MYO5B: variants seen among roughly 807,000 people sequenced by gnomAD.
MYO5B encodes the protein myosin VB.
A neutral mutation model predicts 229.3 loss-of-function variants in MYO5B; 143 were observed. The observed-to-expected ratio is 0.62, with a 90% CI of 0.54 to 0.72. The LOEUF is 0.72. Ranked by LOEUF, MYO5B falls within the 30% of genes least tolerant of loss-of-function variation. MYO5B has a pLI of 0.00. For synonymous variants in MYO5B, 918 were observed against 885.2 expected, an observed-to-expected ratio of 1.04 and a Z score of -0.66; for missense variants, 2,321 against 2,331.0, an observed-to-expected ratio of 1.00 and a Z score of 0.09.
intron 10 of MYO5B, among the ~76,000 whole-genome samples, chr18:49,972,741 G>A (rs1341278126): frequency 6.6e-6 from 1 of 152,144 alleles, no homozygotes; most frequent in Non-Finnish European, 1.5e-5. Context: ...TTCCCAGAGA[G>A]CACACTGTTC....
chr18:50,033,718 C>G (rs988937617), intron 4 of MYO5B, among the ~76,000 whole-genome samples: 2 of 152,146 alleles, frequency 1.3e-5, no homozygotes, highest in African/African-American at 4.8e-5. Flanking sequence ...GATTCTCATG[C>G]AGTGGACAGA....
chr18:50,003,849 C>T (rs139666780), intron 4 of MYO5B, among the ~76,000 whole-genome samples: 161 of 152,266 alleles, frequency 1.1e-3, no homozygotes, highest in Middle Eastern at 6.8e-3. Context: ...ATCCCAAGTA[C>T]TTAATAAGGA....
intron 1 of MYO5B, among the ~76,000 whole-genome samples, chr18:50,078,947 G>A (rs1437595089): frequency 6.6e-6 from 1 of 152,200 alleles, no homozygotes; most frequent in Admixed American, 6.5e-5. Context: ...GTGACAGCAA[G>A]GACACATCTC....
intron 3 of MYO5B, 104 bp from the exon 4 acceptor site, chr18:50,037,098 G>A: frequency 7.8e-7 from 1 of 1,277,508 alleles, no homozygotes; most frequent in Non-Finnish European, 1.1e-6. Flanking sequence ...ACCAAAGAAT[G>A]AGAGGGCAGC....
At chr18:50,027,682 C>G (rs1180231409) in intron 4 of MYO5B, among the ~76,000 whole-genome samples, 1 of 152,128 alleles carries the variant, frequency 6.6e-6, no homozygotes, top group African/African-American at 2.4e-5. Flanking sequence ...GGAGAAAAAA[C>G]TGCTCCATGC....
intron 1 of MYO5B, among the ~76,000 whole-genome samples, chr18:50,160,940 G>A (rs1239626132): frequency 4.6e-5 from 7 of 152,028 alleles, no homozygotes; most frequent in Admixed American, 6.6e-5. Flanking sequence ...CTGAAACACT[G>A]CGGCCATTCT....
chr18:50,054,107 C>T, intron 2 of MYO5B, among the ~76,000 whole-genome samples: 1 of 152,212 alleles, frequency 6.6e-6, no homozygotes, highest in East Asian at 1.9e-4. Context: ...CACTGGCCTC[C>T]TTCCCTTTCC....
Position 49,962,322 on chromosome 18 carries a change from T to A in MYO5B, c.1489A>T (p.Ile497Phe), listed in dbSNP as rs751000651. Reference sequence around the variant, plus strand: ...CCCAGCTTGGCTTCAATGAGGTCGATACAAGGTTGGTTATCATAAAAATCA... The same window carrying A: ...CCCAGCTTGGCTTCAATGAGGTCGAAACAAGGTTGGTTATCATAAAAATCA... ...LIDFYDNQPC[I>F]DLIEAKLGIL... The change falls in exon 12 of 40, where the codon ATC becomes TTC. Residue 497 changes from isoleucine to phenylalanine, a missense_variant. Ile to Phe is a conservative substitution (Grantham distance 21, BLOSUM62 0). Coordinates refer to ENST00000285039, the MANE Select transcript of MYO5B (RefSeq NM_001080467.3). The A allele has an allele frequency of 6.2e-7, 1 of 1,614,222 alleles. No homozygotes were observed. Among genetic ancestry groups the A allele is most frequent in the Non-Finnish European group, 8.5e-7 (1 of 1,180,034 alleles).
rs1400536557 is a variant in MYO5B, at chr18:49,936,236, C to G, written c.2003+16G>C. On this transcript the variant is annotated intron_variant, in intron 16 of 39. Transcript: ENST00000285039. ...TAAGGCTGGGCTGGACAGGCTAATGCCCAGCAGGCACTTACTGAAAGGGGA... is the reference window on the plus strand; with the variant it reads ...TAAGGCTGGGCTGGACAGGCTAATGGCCAGCAGGCACTTACTGAAAGGGGA... The G allele has an allele frequency of 6.4e-7, 1 of 1,572,032 alleles. No individual in the cohort carries two copies. The highest frequency in any genetic ancestry group is 8.7e-7 in the Non-Finnish European group (1 of 1,154,790).
chr18:49,865,665 C>T (rs142151227), intron 27 of MYO5B, among the ~76,000 whole-genome samples: 2 of 152,318 alleles, frequency 1.3e-5, no homozygotes, highest in African/African-American at 4.8e-5. Flanking sequence ...GGAGTGAGAA[C>T]AGCTGGTGGC....
rs1345116417 is a variant in MYO5B at position 49,846,347 on chromosome 18, A to G, written c.4459+799T>C. Among the ~76,000 whole-genome samples the G allele has an allele frequency of 2.6e-5, 4 of 152,142 alleles. No homozygotes were observed. In the South Asian group the frequency reaches 6.2e-4, roughly 24 times the overall value. ...TCTCTCACCCCTTCCCAGGGGTGAT[A>G]CTGATGCTGATGCTGATGCTGCTGG... On this transcript the variant is annotated intron_variant, in intron 33 of 39. Transcript: ENST00000285039.
rs1467443631 is a variant in MYO5B at position 49,849,884 on chromosome 18, C to T, written c.4222-224G>A. 5.4e-6 allele frequency: 3 copies of T among 559,370 alleles called. No homozygotes were observed. The East Asian group carries it at 9.6e-5, about 18-fold the overall frequency. 34.7% of individuals were successfully genotyped at this position (559,370 alleles called of 1,614,324 possible). A position where few individuals can be genotyped will look rare whatever the true frequency, so the allele number is the denominator to read the frequency against. On this transcript the variant is annotated intron_variant, in intron 31 of 39. Transcript: ENST00000285039. ...TGAGTCAGAGTCCATTCTCTCAAGG[C>T]AAGACTCCTCCCAGGTCAGGCTCTC... is the stretch of plus-strand genomic sequence containing the variant.
At chr18:50,037,680 G>A (rs1458557687) in intron 3 of MYO5B, among the ~76,000 whole-genome samples, 3 of 152,134 alleles carry the variant, frequency 2.0e-5, no homozygotes, top group East Asian at 3.9e-4. Context: ...CAGGAGAATC[G>A]CTTAAGGCCA....
chr18:49,968,158 G>C (rs1302546071), intron 10 of MYO5B, among the ~76,000 whole-genome samples: 1 of 152,140 alleles, frequency 6.6e-6, no homozygotes, highest in African/African-American at 2.4e-5. Flanking sequence ...GCCTCCCCAA[G>C]GAATAGAAAT....
intron 9 of MYO5B, among the ~76,000 whole-genome samples, chr18:49,978,433 A>G (rs2025777044): frequency 6.6e-6 from 1 of 152,042 alleles, no homozygotes; most frequent in Non-Finnish European, 1.5e-5. Flanking sequence ...CAATGCAGGT[A>G]GGTGTCCACG....
At chr18:50,118,029 C>T (rs757551065) in intron 1 of MYO5B, among the ~76,000 whole-genome samples, 7 of 152,170 alleles carry the variant, frequency 4.6e-5, no homozygotes, top group Non-Finnish European at 1.0e-4. Flanking sequence ...GACAGCCATA[C>T]ATTACCACCG....
chr18:49,862,905 C>T (rs1463778494), intron 29 of MYO5B, among the ~76,000 whole-genome samples: 1 of 131,816 alleles, frequency 7.6e-6, no homozygotes, highest in Non-Finnish European at 1.6e-5. Context: ...CCCCACCCCC[C>T]TCCCCAGCCA....
chr18:50,134,707 A>T (rs2032309189), intron 1 of MYO5B, among the ~76,000 whole-genome samples: 1 of 152,102 alleles, frequency 6.6e-6, no homozygotes, highest in South Asian at 2.1e-4. Flanking sequence ...AGTCAAAGAG[A>T]GACACTCCAT....
intron 1 of MYO5B, among the ~76,000 whole-genome samples, chr18:50,063,289 T>C (rs1474404242): frequency 1.3e-5 from 2 of 152,196 alleles, no homozygotes; most frequent in African/African-American, 4.8e-5. Flanking sequence ...AATCTTCCCC[T>C]TTCCCCAAAT....
Sources: gnomAD v4.1 joint callset for allele counts (sites outside exome capture counted in the v4.1 genomes callset) on GRCh38, gnomAD v4.1.1 for gene constraint, MANE v1.5 for transcripts, NCBI Gene and HGNC (gene_info 2026-07-23, HGNC 2026-07-21) for gene names.